The following MOB3B variants were observed in gnomAD, a reference collection of about 807,000 sequenced individuals.
MOB3B encodes the protein MOB kinase activator-like 2B.
MOB3B carries 7 observed loss-of-function variants against 18.7 expected under a neutral mutation model. The ratio of observed to expected loss-of-function variants is 0.37; its 90% CI spans 0.21 to 0.70. The LOEUF (loss-of-function observed/expected upper bound fraction) is 0.70. MOB3B is among the 30% of genes least tolerant of loss of function. The pLI is 0.52. For synonymous variants in MOB3B, 111 were observed against 99.9 expected (o/e 1.11, Z -0.66); for missense variants, 253 against 281.3 (o/e 0.90, Z 0.72).
intron 2 of MOB3B, among the ~76,000 whole-genome samples, chr9:27,364,490 C>CA (rs1367660815): frequency 3.3e-5 from 5 of 152,126 alleles, no homozygotes; most frequent in Non-Finnish European, 5.9e-5. Flanking sequence ...ATATCTGTAG[C>CA]AAAAAATCCT....
chr9:27,467,599 A>G (rs1311109358), intron 1 of MOB3B, among the ~76,000 whole-genome samples: 2 of 152,258 alleles, frequency 1.3e-5, no homozygotes, highest in Non-Finnish European at 2.9e-5. Context: ...AATTTTCCCT[A>G]TGCATCCTAC....
At chr9:27,346,926 G>A (rs926374863) in intron 3 of MOB3B, among the ~76,000 whole-genome samples, 1 of 152,118 alleles carries the variant, frequency 6.6e-6, no homozygotes. Context: ...AACCCAGGAG[G>A]TGGAGGTTGC....
At chr9:27,523,464 C>CAAAAAAAAAAAAAAAAAAA (rs55637136) in intron 1 of MOB3B, among the ~76,000 whole-genome samples, 8 of 141,724 alleles carry the variant, frequency 5.6e-5, no homozygotes, top group African/African-American at 8.0e-5. Flanking sequence ...TAAACTGCAC[C>CAAAAAAAAAAAAAAAAAAA]AAAAAAAAAA....
At chr9:27,383,054 T>C (rs1252048527) in intron 2 of MOB3B, among the ~76,000 whole-genome samples, 1 of 152,100 alleles carries the variant, frequency 6.6e-6, no homozygotes, top group Non-Finnish European at 1.5e-5. Context: ...AAAATGTCCA[T>C]CAATAGACAC....
chr9:27,346,784 C>T (rs1378246651), intron 3 of MOB3B, among the ~76,000 whole-genome samples: 1 of 152,112 alleles, frequency 6.6e-6, no homozygotes, highest in African/African-American at 2.4e-5. Flanking sequence ...CACTTGAGGT[C>T]AGAAGTTCAA....
At chr9:27,380,216 A>T (rs536860845) in intron 2 of MOB3B, among the ~76,000 whole-genome samples, 1 of 151,910 alleles carries the variant, frequency 6.6e-6, no homozygotes, top group South Asian at 2.1e-4. Flanking sequence ...TCTTGGGACC[A>T]ATCACAAAGT....
chr9:27,435,633 CTT>C (rs758635908), intron 2 of MOB3B, among the ~76,000 whole-genome samples: 1 of 152,072 alleles, frequency 6.6e-6, no homozygotes, highest in Non-Finnish European at 1.5e-5. Context: ...GAGTTTCACT[CTT>C]ATCTCCCAGG....
chr9:27,362,058 T>C (rs1238276924), intron 2 of MOB3B, among the ~76,000 whole-genome samples: 1 of 152,210 alleles, frequency 6.6e-6, no homozygotes, highest in African/African-American at 2.4e-5. Context: ...TGGCCCCTTT[T>C]AGACTGTCTC....
At chr9:27,519,885 C>T (rs1211608169) in intron 1 of MOB3B, among the ~76,000 whole-genome samples, 2 of 151,656 alleles carry the variant, frequency 1.3e-5, no homozygotes, top group East Asian at 3.9e-4. Context: ...CATCTAGTTG[C>T]CAGAGGTGAC....
At chr9:27,354,159 G>T (rs1563848152) in intron 3 of MOB3B, among the ~76,000 whole-genome samples, 3 of 152,224 alleles carry the variant, frequency 2.0e-5, no homozygotes, top group African/African-American at 7.2e-5. Flanking sequence ...CAAGCTCTGG[G>T]GGTGGATGGA....
intron 2 of MOB3B, among the ~76,000 whole-genome samples, chr9:27,364,398 G>C (rs1821315250): frequency 6.6e-6 from 1 of 152,132 alleles, no homozygotes; most frequent in Non-Finnish European, 1.5e-5. Context: ...AAAAAGAGAG[G>C]ATTCTGAGAC....
chr9:27,392,958 A>G (rs940857796), intron 2 of MOB3B, among the ~76,000 whole-genome samples: 2 of 152,230 alleles, frequency 1.3e-5, no homozygotes, highest in African/African-American at 4.8e-5. Flanking sequence ...CCCTTGTTGG[A>G]CTTGAGACAG....
intron 1 of MOB3B, among the ~76,000 whole-genome samples, chr9:27,509,507 C>T (rs545793779): frequency 1.3e-5 from 2 of 152,274 alleles, no homozygotes; most frequent in South Asian, 2.1e-4. Flanking sequence ...ACCTCCGCCT[C>T]CTGGGTTCAA....
intron 1 of MOB3B, among the ~76,000 whole-genome samples, chr9:27,487,332 C>T (rs1819744248): frequency 2.0e-5 from 3 of 152,044 alleles, no homozygotes; most frequent in Non-Finnish European, 1.5e-5. Flanking sequence ...AGACAGAGAA[C>T]ATCCCCTGCC....
At chr9:27,417,830 G>T (rs933090312) in intron 2 of MOB3B, among the ~76,000 whole-genome samples, 2 of 151,924 alleles carry the variant, frequency 1.3e-5, no homozygotes, top group Non-Finnish European at 2.9e-5. Flanking sequence ...TGGGAGGTCG[G>T]GGCCGGTGGA....
chr9:27,466,175 C>G (rs921259561), intron 1 of MOB3B, among the ~76,000 whole-genome samples: 26 of 152,324 alleles, frequency 1.7e-4, no homozygotes, highest in African/African-American at 6.3e-4. Context: ...CTTCTGAAAG[C>G]TTTGCTGCTT....
chr9:27,349,728 C>T (rs1821078746), intron 3 of MOB3B, among the ~76,000 whole-genome samples: 2 of 152,160 alleles, frequency 1.3e-5, no homozygotes, highest in Admixed American at 6.5e-5. Context: ...GGTGGAGGTT[C>T]TGATGGGAAA....
intron 2 of MOB3B, among the ~76,000 whole-genome samples, chr9:27,443,593 C>T (rs1822628763): frequency 6.6e-6 from 1 of 152,122 alleles, no homozygotes; most frequent in Non-Finnish European, 1.5e-5. Flanking sequence ...TTTCCCTCTT[C>T]CTGAAGAATT....
At chr9:27,428,869 G>A (rs558074262) in intron 2 of MOB3B, among the ~76,000 whole-genome samples, 2 of 152,324 alleles carry the variant, frequency 1.3e-5, no homozygotes, top group African/African-American at 4.8e-5. Context: ...TTAAGTCCTG[G>A]AAGCTTTACC....
Sources: gnomAD v4.1 joint callset for allele counts (sites outside exome capture counted in the v4.1 genomes callset) on GRCh38, gnomAD v4.1.1 for gene constraint, MANE v1.5 for transcripts, NCBI Gene and HGNC (gene_info 2026-07-23, HGNC 2026-07-21) for gene names.